Variants in GNE observed in about 807,000 individuals in gnomAD.
The protein encoded by GNE is glucosamine (UDP-N-acetyl)-2-epimerase/N-acetylmannosamine kinase.
In GNE, 41 loss-of-function variants were observed where a neutral mutation model predicts 61.8. The ratio of observed to expected loss-of-function variants is 0.66; its 90% CI spans 0.52 to 0.86. The LOEUF (loss-of-function observed/expected upper bound fraction) is 0.86, where lower values mean the gene tolerates loss of function less well. Ranked by LOEUF, GNE falls within the 40% of genes least tolerant of loss-of-function variation. The pLI is 0.00. For missense variants in GNE, 608 were observed against 909.1 expected (o/e 0.67, Z 4.26); for synonymous variants, 264 against 326.4 (o/e 0.81, Z 2.06).
intron 1 of GNE, among the ~76,000 whole-genome samples, chr9:36,272,692 G>A (rs1831079151): frequency 6.7e-6 from 1 of 149,992 alleles, no homozygotes; most frequent in Non-Finnish European, 1.5e-5. Flanking sequence ...CTGGAAGAAG[G>A]GAAACCAGTT....
intron 4 of GNE, among the ~76,000 whole-genome samples, chr9:36,235,082 A>T (rs1225373123): frequency 6.6e-6 from 1 of 152,216 alleles, no homozygotes; most frequent in African/African-American, 2.4e-5. Context: ...TACTTACCAG[A>T]TCAGCATCCC....
chr9:36,217,738 CA>C (rs2132994548), intron 11 of GNE, 138 bp from the exon 12 acceptor site: 4 of 704,352 alleles, frequency 5.7e-6, no homozygotes, highest in Non-Finnish European at 7.8e-6. Context: ...GTTTTAAAAG[CA>C]GTTCACGGTT....
chr9:36,249,011 A>T (rs917484218), intron 2 of GNE, among the ~76,000 whole-genome samples, 181 bp downstream of exon 2: 1 of 152,220 alleles, frequency 6.6e-6, no homozygotes, highest in African/African-American at 2.4e-5. Context: ...TTACAATATA[A>T]GTTTTCACTA....
chr9:36,260,891 A>C (rs1246383561), upstream of GNE, among the ~76,000 whole-genome samples: 1 of 151,008 alleles, frequency 6.6e-6, no homozygotes, highest in Non-Finnish European at 1.5e-5. Context: ...AAAAAAAAAA[A>C]AAAAAAAAAC....
upstream of GNE, among the ~76,000 whole-genome samples, chr9:36,259,557 T>C (rs1377154368): frequency 6.6e-6 from 1 of 152,228 alleles, no homozygotes; most frequent in Non-Finnish European, 1.5e-5. Context: ...TATGAACTCT[T>C]AGTTCTCCTG....
upstream of GNE, among the ~76,000 whole-genome samples, chr9:36,262,110 C>T (rs531764446): frequency 2.0e-5 from 3 of 152,080 alleles, no homozygotes; most frequent in South Asian, 6.2e-4. Flanking sequence ...TTTGTAAAAA[C>T]TCAAATTATA....
chr9:36,253,418 G>C (rs980583819), intron 1 of GNE, among the ~76,000 whole-genome samples: 16 of 151,366 alleles, frequency 1.1e-4, no homozygotes, highest in African/African-American at 3.4e-4. Flanking sequence ...TGGGATTACA[G>C]GTGCCCGCCA....
Position 36,218,351 on chromosome 9 carries a change from A to G in GNE, c.1817-52T>C, listed in dbSNP as rs769592525. 3 of 1,287,740 alleles carry G rather than the reference A, an allele frequency of 2.3e-6. No homozygotes were observed. Among genetic ancestry groups the G allele is most frequent in the East Asian group, 2.3e-5 (1 of 43,462 alleles). The allele number at this position is 1,287,740 out of a possible 1,614,324, so 79.8% of individuals were successfully genotyped here. On this transcript the variant is annotated intron_variant, in intron 10 of 11. Coordinates refer to ENST00000642385, the MANE Select transcript of GNE (RefSeq NM_005476.7). The surrounding 1 kb of genome is among the most constrained non-coding windows in gnomAD (Gnocchi z 4.1). ...TCACTAATGAGCTGTGGGGAGGCCA[A>G]GCTCACCACTGGGCCTGTGGAAAGC...
intron 7 of GNE, among the ~76,000 whole-genome samples, chr9:36,225,451 A>G (rs1223463709): frequency 1.3e-5 from 2 of 152,164 alleles, no homozygotes; most frequent in Admixed American, 6.5e-5. Flanking sequence ...CCTGGGCAAC[A>G]TGGTGAACCA....
At position 36,214,488 on chromosome 9, in the gene GNE, A is replaced by G. The variant is rs886063914; in HGVS notation, c.*2877T>C. ...TTTTTTCTTTAGAATTTGGCTCAGA[A>G]CAGTAACAAAAATATTTACATTAAA... On this transcript the variant is annotated 3_prime_UTR_variant, in exon 12 of 12. Transcript: ENST00000642385. The G allele has an allele frequency of 1.3e-4, 20 of 152,232 alleles. No homozygotes were observed. Among genetic ancestry groups the G allele is most frequent in the Admixed American group, 3.9e-4 (6 of 15,270 alleles). The allele number at this position is 152,232 out of a possible 1,614,324, so 9.4% of individuals were successfully genotyped here. A position where few individuals can be genotyped will look rare whatever the true frequency, so the allele number is the denominator to read the frequency against.
intron 4 of GNE, among the ~76,000 whole-genome samples, chr9:36,234,916 G>A (rs895880067): frequency 6.6e-6 from 1 of 152,114 alleles, no homozygotes; most frequent in African/African-American, 2.4e-5. Flanking sequence ...CTAATTCCCT[G>A]GAGAAGGCCT....
upstream of GNE, among the ~76,000 whole-genome samples, chr9:36,262,086 A>C (rs138938520): frequency 2.3e-3 from 347 of 152,310 alleles, 1 homozygote; most frequent in African/African-American, 7.9e-3. Flanking sequence ...TGCTGATTAC[A>C]TAGGTGTGTT....
At chr9:36,264,142 T>G (rs1184904560) in intron 1 of GNE, among the ~76,000 whole-genome samples, 1 of 151,536 alleles carries the variant, frequency 6.6e-6, no homozygotes, top group Admixed American at 6.6e-5. Context: ...TTTTATTATG[T>G]TTTTTTTGGA....
At chr9:36,246,719 A>AG (rs1339292470) in intron 2 of GNE, among the ~76,000 whole-genome samples, 2 of 123,748 alleles carry the variant, frequency 1.6e-5, no homozygotes, top group African/African-American at 6.4e-5. Context: ...CCCAGGCTGG[A>AG]GTGCAGTAGC....
chr9:36,249,099 C>T, intron 2 of GNE, 93 bp downstream of exon 2: 9 of 964,966 alleles, frequency 9.3e-6, no homozygotes, highest in South Asian at 9.1e-5. Context: ...AGCAGCAGAA[C>T]AGGAATTTGA....
At chr9:36,247,039 G>A (rs1429013268) in intron 2 of GNE, among the ~76,000 whole-genome samples, 2 of 151,234 alleles carry the variant, frequency 1.3e-5, no homozygotes, top group African/African-American at 4.9e-5. Context: ...TATACACTTA[G>A]GGGAAAATGT....
In GNE at chr9:36,258,405, G is replaced by A. The variant is rs1280952663; in HGVS notation, c.-127C>T. The A allele has an allele frequency of 6.1e-6, 6 of 985,472 alleles. No homozygotes were observed. Among genetic ancestry groups the A allele is most frequent in the Non-Finnish European group, 7.2e-6 (6 of 829,962 alleles). The allele number at this position is 985,472 out of a possible 1,614,324, so 61.0% of individuals were successfully genotyped here. A position where few individuals can be genotyped will look rare whatever the true frequency, so the allele number is the denominator to read the frequency against. On this transcript the variant is annotated 5_prime_UTR_variant, in exon 1 of 12. Transcript: ENST00000642385. ...CCAAGCGCCACGAAGCAGGCAGAGC[G>A]CGAGCCTGCCCCTCGGTTTCCGCGC... is the stretch of plus-strand genomic sequence containing the variant.
chr9:36,262,796 C>T (rs1830652717), upstream of GNE, among the ~76,000 whole-genome samples: 1 of 152,150 alleles, frequency 6.6e-6, no homozygotes, highest in Non-Finnish European at 1.5e-5. Flanking sequence ...GGGAACATTT[C>T]TTGTAACAGA....
At chr9:36,230,546 T>C (rs1829096141) in intron 5 of GNE, among the ~76,000 whole-genome samples, 3 of 151,496 alleles carry the variant, frequency 2.0e-5, no homozygotes, top group Admixed American at 2.0e-4. Flanking sequence ...TGTAACAAAC[T>C]CCTGGGCTCA....
Sources: allele counts gnomAD v4.1 joint callset (sites outside exome capture counted in the v4.1 genomes callset), GRCh38; gene constraint gnomAD v4.1.1; non-coding constraint Gnocchi (gnomAD v3.1); transcripts MANE v1.5; gene names NCBI Gene and HGNC (gene_info 2026-07-23, HGNC 2026-07-21).